TRPC4: variants seen among roughly 807,000 people sequenced by gnomAD.
TRPC4 encodes the protein short transient receptor potential channel 4.
In TRPC4, 49 loss-of-function variants were observed where a neutral mutation model predicts 99.4. The observed-to-expected ratio is 0.49, with a 90% CI of 0.39 to 0.63. The LOEUF (loss-of-function observed/expected upper bound fraction) is 0.63. Among genes scored for constraint, TRPC4 ranks in the 20% least tolerant of loss-of-function variants. The pLI, the probability that TRPC4 is intolerant of heterozygous loss-of-function variation, is 0.00. For missense variants in TRPC4, 898 were observed against 1,152.9 expected (o/e 0.78, Z 3.20); for synonymous variants, 454 against 425.9 (o/e 1.07, Z -0.81).
In TRPC4 at chr13:37,861,765, C is replaced by T. The variant is rs183648020; in HGVS notation, c.-28+7830G>A. On this transcript the variant is annotated intron_variant, in intron 1 of 10. Coordinates refer to ENST00000379705, the MANE Select transcript of TRPC4 (RefSeq NM_016179.4). ...TAAAATGAACCAGATAAGCAAATAA[C>T]GCTTTCCCCAGTGCCAGCATCTCTT... Among the ~76,000 whole-genome samples the T allele has an allele frequency of 2.5e-4, 38 of 151,568 alleles. No individual in the cohort carries two copies. The East Asian group carries it at 4.2e-3, about 17-fold the overall frequency.
rs771802395 is a variant in TRPC4 at position 37,637,434 on chromosome 13, G to C, written c.2403C>G (p.Thr801=). ...KKNFSLFDLT[T]LIHPRSAAIA... The stretch of plus-strand genomic sequence containing the variant: ...TTGCTGCTGATCTCGGATGAATCAG[G>C]GTGGTTAAATCAAAAAGGCTGAAAT... Residue 801 remains threonine (T), a synonymous_variant, in exon 11 of 11, where the codon ACC becomes ACG. Transcript: ENST00000379705. 1.9e-6 allele frequency: 3 copies of C among 1,613,590 alleles called. No individual in the cohort carries two copies. The highest frequency in any genetic ancestry group is 2.5e-6 in the Non-Finnish European group (3 of 1,179,774).
intron 1 of TRPC4, among the ~76,000 whole-genome samples, chr13:37,795,107 T>C (rs1393904673): frequency 6.6e-6 from 1 of 152,156 alleles, no homozygotes; most frequent in East Asian, 1.9e-4. Flanking sequence ...TTTAAAAGAA[T>C]TAAACACATA....
chr13:37,800,967 T>G (rs1295951541), intron 1 of TRPC4, among the ~76,000 whole-genome samples: 3 of 152,060 alleles, frequency 2.0e-5, no homozygotes, highest in Non-Finnish European at 4.4e-5. Flanking sequence ...TATTTCAAAT[T>G]TATGAAGAGT....
At chr13:37,810,801 T>A (rs1356662246) in intron 1 of TRPC4, among the ~76,000 whole-genome samples, 2 of 152,066 alleles carry the variant, frequency 1.3e-5, no homozygotes, top group Non-Finnish European at 2.9e-5. Context: ...TATACCCATC[T>A]TACTTGCCTA....
intron 1 of TRPC4, among the ~76,000 whole-genome samples, chr13:37,857,861 A>G (rs1235462449): frequency 6.6e-6 from 1 of 151,720 alleles, no homozygotes. Flanking sequence ...CTGGGAAAAA[A>G]GGTTTTGAGT....
chr13:37,719,508 A>G (rs1954793089), intron 3 of TRPC4, among the ~76,000 whole-genome samples: 1 of 152,190 alleles, frequency 6.6e-6, no homozygotes, highest in South Asian at 2.1e-4. Context: ...GTAAGGAATG[A>G]AGAACATTAG....
Position 37,796,998 on chromosome 13 carries a change from GTAAAGTAAAA to G in TRPC4, c.-27-13648_-27-13639del, listed in dbSNP as rs1272492482. On this transcript the variant is annotated intron_variant, in intron 1 of 10. Coordinates refer to ENST00000379705, the MANE Select transcript of TRPC4 (RefSeq NM_016179.4). ...GTAAAGTAAAGTAAAGTAAAGTAAA[GTAAAGTAAAA>G]TAAAATAAAATACAAGTAAGAATTA... Among the ~76,000 whole-genome samples, 46 of 119,894 alleles carry G rather than the reference GTAAAGTAAAA, an allele frequency of 3.8e-4. 1 individual carries two copies. In the South Asian group the frequency reaches 8.9e-3, roughly 23 times the overall value. The allele number at this position is 119,894 out of a possible 152,430, so 78.7% of individuals were successfully genotyped here.
chr13:37,810,713 G>T (rs936606407), intron 1 of TRPC4, among the ~76,000 whole-genome samples: 1 of 152,020 alleles, frequency 6.6e-6, no homozygotes, highest in African/African-American at 2.4e-5. Context: ...CTTTTGATTT[G>T]TGGGATGCTC....
chr13:37,862,790 G>A (rs1431737348), intron 1 of TRPC4, among the ~76,000 whole-genome samples: 1 of 151,566 alleles, frequency 6.6e-6, no homozygotes, highest in Non-Finnish European at 1.5e-5. Flanking sequence ...CAGAGTGACT[G>A]TTATGTATTA....
At position 37,635,216 on chromosome 13, in the gene TRPC4, T is replaced by C. The variant is rs1263443175; in HGVS notation, c.*1687A>G. On this transcript the variant is annotated 3_prime_UTR_variant, in exon 11 of 11. Coordinates refer to ENST00000379705, the MANE Select transcript of TRPC4 (RefSeq NM_016179.4). ...GGCAATTGTAACCCCTGTATATGCA[T>C]GTTTTATAACTTGCTCTTTTTATGT... Among the ~76,000 whole-genome samples the C allele has an allele frequency of 6.6e-6, 1 of 152,116 alleles. No homozygotes were observed. The highest frequency in any genetic ancestry group is 1.5e-5 in the Non-Finnish European group (1 of 68,018).
chr13:37,668,284 G>A (rs1280483757), intron 5 of TRPC4, among the ~76,000 whole-genome samples: 1 of 152,040 alleles, frequency 6.6e-6, no homozygotes. Context: ...AAAGAGAATT[G>A]CTTATTTTGC....
intron 1 of TRPC4, among the ~76,000 whole-genome samples, chr13:37,808,315 A>G (rs1288601476): frequency 6.6e-6 from 1 of 152,032 alleles, no homozygotes; most frequent in East Asian, 1.9e-4. Flanking sequence ...GTATATGTTT[A>G]TTTTTAAATT....
In TRPC4 at chr13:37,637,329, C is replaced by A; in HGVS notation, c.2508G>T (p.Val836=). The A allele has an allele frequency of 6.2e-7, 1 of 1,613,720 alleles. No individual in the cohort carries two copies. Among genetic ancestry groups the A allele is most frequent in the Non-Finnish European group, 8.5e-7 (1 of 1,179,848 alleles). ...QEPPREKQRK[V]NFVTDIKNFG... ...AGTTTTTGATATCGGTCACAAAATT[C>A]ACTTTTCTCTGCTTCTCCCTGGGCG... is the stretch of plus-strand genomic sequence containing the variant. The change falls in exon 11 of 11, where the codon GTG becomes GTT. Residue 836 remains valine, a synonymous_variant. Coordinates refer to ENST00000379705, the MANE Select transcript of TRPC4 (RefSeq NM_016179.4).
At chr13:37,667,391 C>G (rs1367840034) in intron 5 of TRPC4, among the ~76,000 whole-genome samples, 3 of 152,188 alleles carry the variant, frequency 2.0e-5, no homozygotes, top group African/African-American at 7.2e-5. Flanking sequence ...ACTGCAACCT[C>G]CATCTCTTGG....
intron 1 of TRPC4, among the ~76,000 whole-genome samples, chr13:37,786,501 T>C (rs1956975107): frequency 6.6e-6 from 1 of 152,084 alleles, no homozygotes; most frequent in Non-Finnish European, 1.5e-5. Flanking sequence ...ATTTTAAAAC[T>C]GTGCTACATA....
chr13:37,823,156 A>G (rs1328091573), intron 1 of TRPC4, among the ~76,000 whole-genome samples: 1 of 150,028 alleles, frequency 6.7e-6, no homozygotes, highest in Admixed American at 6.7e-5. Context: ...AGTTCATTGT[A>G]GATTCTGGAT....
chr13:37,738,714 C>T lies in TRPC4; in HGVS notation c.897+7223G>A, dbSNP rs564011399. 1.1e-3 allele frequency among the ~76,000 whole-genome samples: 162 copies of T among 152,150 alleles called. 3 individuals are homozygous for T. The highest frequency in any genetic ancestry group is 3.6e-3 in the African/African-American group (149 of 41,526). ...GTCAAGAGATGCCTGATATAAAGGC[C>T]TAGAAGGGGAAATATTGCAACAATG... On this transcript the variant is annotated intron_variant, in intron 3 of 10. Transcript: ENST00000379705.
At chr13:37,640,502 A>G (rs1166231690) in intron 8 of TRPC4, among the ~76,000 whole-genome samples, 9 of 152,214 alleles carry the variant, frequency 5.9e-5, no homozygotes, top group Non-Finnish European at 1.3e-4. Context: ...CCTAAAGGTC[A>G]CTAATTATTT....
chr13:37,716,622 A>G (rs1289691148), intron 3 of TRPC4, among the ~76,000 whole-genome samples: 1 of 152,074 alleles, frequency 6.6e-6, no homozygotes, highest in African/African-American at 2.4e-5. Flanking sequence ...GTGGGAGGGG[A>G]GGTCATTCTG....
Sources: gnomAD v4.1 joint callset for allele counts (sites outside exome capture counted in the v4.1 genomes callset) on GRCh38, gnomAD v4.1.1 for gene constraint, MANE v1.5 for transcripts, NCBI Gene and HGNC (gene_info 2026-07-23, HGNC 2026-07-21) for gene names.